Variants in PLCB1 observed in about 807,000 individuals in gnomAD.
PLCB1 encodes the protein 1-phosphatidylinositol 4,5-bisphosphate phosphodiesterase beta-1.
Under a neutral mutation model 161.8 loss-of-function variants are expected in PLCB1, and 46 were observed. The ratio of observed to expected loss-of-function variants is 0.28; its 90% CI spans 0.22 to 0.36. PLCB1 has a LOEUF of 0.36. Among genes scored for constraint, PLCB1 ranks in the 10% least tolerant of loss-of-function variants. The probability of loss-of-function intolerance (pLI) is 1.00; values close to 1 mark genes in which losing one functional copy is unlikely to be tolerated. For missense variants in PLCB1, 1,016 were observed against 1,472.5 expected, an observed-to-expected ratio of 0.69 and a Z score of 5.07; for synonymous variants, 517 against 503.7, an observed-to-expected ratio of 1.03 and a Z score of -0.35.
intron 2 of PLCB1, among the ~76,000 whole-genome samples, chr20:8,314,392 A>C (rs1232435356): frequency 6.6e-6 from 1 of 152,226 alleles, no homozygotes; most frequent in Non-Finnish European, 1.5e-5. Flanking sequence ...TGATGGCAAA[A>C]TATCAGAATA....
intron 3 of PLCB1, among the ~76,000 whole-genome samples, chr20:8,388,678 G>A (rs1168290781): frequency 2.0e-5 from 3 of 151,906 alleles, no homozygotes; most frequent in Non-Finnish European, 4.4e-5. Context: ...TTGTCATTTT[G>A]TTACTATAAA....
At chr20:8,336,299 T>C (rs111790650) in intron 2 of PLCB1, among the ~76,000 whole-genome samples, 365 of 152,338 alleles carry the variant, frequency 2.4e-3, no homozygotes, top group African/African-American at 8.1e-3. Flanking sequence ...TTTTTAATTA[T>C]GCGTATATAT....
At chr20:8,571,261 G>T (rs563944587) in intron 3 of PLCB1, among the ~76,000 whole-genome samples, 1 of 152,266 alleles carries the variant, frequency 6.6e-6, no homozygotes, top group South Asian at 2.1e-4. Flanking sequence ...ACAGAGGGAT[G>T]ACTTGAGGTC....
At chr20:8,761,985 C>T (rs1045645357) in intron 25 of PLCB1, among the ~76,000 whole-genome samples, 13 of 126,624 alleles carry the variant, frequency 1.0e-4, no homozygotes, top group East Asian at 5.8e-4. Context: ...AAGGGGGGGG[C>T]GGATCACCTG....
intron 31 of PLCB1, among the ~76,000 whole-genome samples, chr20:8,860,719 G>A (rs1987226462): frequency 6.6e-6 from 1 of 152,220 alleles, no homozygotes; most frequent in Non-Finnish European, 1.5e-5. Context: ...TTAGTATAAT[G>A]TCAGTGCATT....
intron 2 of PLCB1, among the ~76,000 whole-genome samples, chr20:8,244,739 A>G (rs898982578): frequency 6.6e-6 from 1 of 151,868 alleles, no homozygotes; most frequent in Non-Finnish European, 1.5e-5. Context: ...TATGAAATAT[A>G]TGTTTTATAC....
In PLCB1 at chr20:8,717,989, GA is replaced by G. The variant is rs142992378; in HGVS notation, c.1513+142del. 0.16 allele frequency: 99,655 copies of G among 612,554 alleles called. 9,412 individuals carry two copies. Among genetic ancestry groups the G allele is most frequent in the Non-Finnish European group, 0.19 (73,210 of 388,740 alleles). The allele number at this position is 612,554 out of a possible 1,614,324, so 37.9% of individuals were successfully genotyped here. A position where few individuals can be genotyped will look rare whatever the true frequency, so the allele number is the denominator to read the frequency against. On this transcript the variant is annotated intron_variant, in intron 14 of 31. Transcript: ENST00000338037. ...GTGGATTATGAGGTCAGGAGTTCGA[GA>G]CCATCCTGGCCAACATGGTGAAACC... is the stretch of plus-strand genomic sequence containing the variant.
intron 3 of PLCB1, among the ~76,000 whole-genome samples, chr20:8,539,693 T>TCTTTTTCTTTTTCC (rs1555768779): frequency 9.9e-5 from 10 of 101,162 alleles, no homozygotes; most frequent in Non-Finnish European, 1.7e-4. Context: ...TCTTTTTCTT[T>TCTTTTTCTTTTTCC]TTCCTTCCTT....
intron 23 of PLCB1, among the ~76,000 whole-genome samples, chr20:8,756,013 GT>G (rs1171507261): frequency 4.6e-5 from 7 of 152,164 alleles, no homozygotes; most frequent in Admixed American, 3.3e-4. Flanking sequence ...TTTTGTGAGA[GT>G]TTTTCTTATC....
intron 3 of PLCB1, among the ~76,000 whole-genome samples, chr20:8,381,727 G>T (rs918397324): frequency 6.6e-6 from 1 of 152,098 alleles, no homozygotes; most frequent in Non-Finnish European, 1.5e-5. Flanking sequence ...TAGTTTATTC[G>T]CATAGAGGTG....
chr20:8,755,335 C>CA (rs148470722), intron 23 of PLCB1, among the ~76,000 whole-genome samples: 4,730 of 152,116 alleles, frequency 0.031, 210 homozygotes, highest in African/African-American at 0.11. Flanking sequence ...AATCACATGC[C>CA]AAAATGTCAC....
intron 2 of PLCB1, among the ~76,000 whole-genome samples, chr20:8,335,686 G>A (rs974463720): frequency 1.3e-5 from 2 of 152,138 alleles, no homozygotes; most frequent in Admixed American, 6.6e-5. Flanking sequence ...ATTCTGTTCT[G>A]CTTCAGGAAT....
intron 3 of PLCB1, among the ~76,000 whole-genome samples, chr20:8,572,700 C>A (rs1316487080): frequency 3.3e-5 from 5 of 152,144 alleles, no homozygotes; most frequent in African/African-American, 1.2e-4. Context: ...GATCAGACTT[C>A]AGTTACAAAA....
chr20:8,805,221 A>G (rs1984478751), intron 31 of PLCB1, among the ~76,000 whole-genome samples: 3 of 152,194 alleles, frequency 2.0e-5, no homozygotes, highest in Admixed American at 2.0e-4. Context: ...GGTGAAGCTA[A>G]GTAGGTGAGT....
At chr20:8,744,248 C>A (rs1981032663) in intron 23 of PLCB1, among the ~76,000 whole-genome samples, 3 of 152,056 alleles carry the variant, frequency 2.0e-5, no homozygotes, top group African/African-American at 4.8e-5. Flanking sequence ...TAAACAAAAG[C>A]ATTTTCAAGT....
chr20:8,810,325 G>GCCTTTCA (rs1984750946), intron 31 of PLCB1, among the ~76,000 whole-genome samples: 1 of 152,094 alleles, frequency 6.6e-6, no homozygotes, highest in Non-Finnish European at 1.5e-5. Flanking sequence ...TCCTGCCCTG[G>GCCTTTCA]CCTTTCACTT....
chr20:8,238,167 G>T (rs926354302), intron 2 of PLCB1, among the ~76,000 whole-genome samples: 2 of 152,022 alleles, frequency 1.3e-5, no homozygotes, highest in African/African-American at 4.8e-5. Context: ...AGGAGAAGTG[G>T]CTTGGAGGGT....
chr20:8,704,766 G>T (rs1312657090), intron 11 of PLCB1, among the ~76,000 whole-genome samples: 1 of 152,120 alleles, frequency 6.6e-6, no homozygotes, highest in Non-Finnish European at 1.5e-5. Context: ...AAAGGAACTG[G>T]CTTATGTGGT....
intron 3 of PLCB1, among the ~76,000 whole-genome samples, chr20:8,476,760 G>A (rs1365541299): frequency 2.0e-5 from 3 of 152,000 alleles, no homozygotes; most frequent in South Asian, 2.1e-4. Flanking sequence ...CTGAATAGAC[G>A]GGCCTTGGAA....
Sources: gnomAD v4.1 joint callset for allele counts (sites outside exome capture counted in the v4.1 genomes callset) on GRCh38, gnomAD v4.1.1 for gene constraint, MANE v1.5 for transcripts, NCBI Gene and HGNC (gene_info 2026-07-23, HGNC 2026-07-21) for gene names.